The following FAT3 variants were observed in gnomAD, a reference collection of about 807,000 sequenced individuals.
FAT3 encodes the protein protocadherin Fat 3.
A neutral mutation model predicts 310.2 loss-of-function variants in FAT3; 95 were observed. That is an observed-to-expected ratio of 0.31 (90% CI 0.26 to 0.36). The LOEUF (loss-of-function observed/expected upper bound fraction) is 0.36. Among genes scored for constraint, FAT3 ranks in the 10% least tolerant of loss-of-function variants. The pLI, the probability that FAT3 is intolerant of heterozygous loss-of-function variation, is 1.00. For synonymous variants in FAT3, 2,314 were observed against 2,192.9 expected (o/e 1.06, Z -1.54); for missense variants, 5,408 against 5,715.6 (o/e 0.95, Z 1.74).
At chr11:92,439,849 G>A (rs181273728) in intron 2 of FAT3, among the ~76,000 whole-genome samples, 3 of 152,140 alleles carry the variant, frequency 2.0e-5, no homozygotes, top group Admixed American at 2.0e-4. Flanking sequence ...TCAGGATGTC[G>A]AGGCTGCTGT....
At position 92,265,213 on chromosome 11, in the gene FAT3, G is replaced by A. The variant is rs143040919; in HGVS notation, c.-18+40039G>A. ...CTGGGCCCTGAAACTCTGTATTTGC[G>A]TGATAGAAAACACATTGCCTTCTGC... On this transcript the variant is annotated intron_variant, in intron 1 of 27. Coordinates refer to ENST00000525166, the MANE Select transcript of FAT3 (RefSeq NM_001367949.2). Among the ~76,000 whole-genome samples the A allele has an allele frequency of 3.5e-3, 537 of 151,770 alleles. 2 individuals are homozygous for A. Among genetic ancestry groups the A allele is most frequent in the African/African-American group, 0.011 (436 of 41,412 alleles).
At chr11:92,379,607 G>C (rs1342244495) in intron 2 of FAT3, among the ~76,000 whole-genome samples, 1 of 152,164 alleles carries the variant, frequency 6.6e-6, no homozygotes, top group Non-Finnish European at 1.5e-5. Context: ...TTTTCTGACA[G>C]CTGGAGGCTC....
At chr11:92,823,315 C>T (rs980155895) in intron 13 of FAT3, among the ~76,000 whole-genome samples, 1 of 152,172 alleles carries the variant, frequency 6.6e-6, no homozygotes, top group Admixed American at 6.5e-5. Context: ...TTTACTTACA[C>T]TTAATCATCC....
intron 4 of FAT3, among the ~76,000 whole-genome samples, chr11:92,760,785 A>G (rs1303411819): frequency 6.6e-6 from 1 of 152,234 alleles, no homozygotes; most frequent in African/African-American, 2.4e-5. Context: ...GATTATCACT[A>G]TGACTAATAA....
At position 92,652,761 on chromosome 11, in the gene FAT3, T is replaced by C. The variant is rs1221645111; in HGVS notation, c.3608-44623T>C. Reference sequence around the variant, plus strand: ...CCTGTAATAATTTCCCCTTTAAATATAGAAGCTGGGAAGATGCTTCCTGAA... The same window carrying C: ...CCTGTAATAATTTCCCCTTTAAATACAGAAGCTGGGAAGATGCTTCCTGAA... On this transcript the variant is annotated intron_variant, in intron 3 of 27. Coordinates refer to ENST00000525166, the MANE Select transcript of FAT3 (RefSeq NM_001367949.2). Among the ~76,000 whole-genome samples the C allele has an allele frequency of 2.0e-5, 3 of 152,324 alleles. No individual in the cohort carries two copies. In the East Asian group the frequency reaches 5.8e-4, roughly 29 times the overall value.
chr11:92,796,458 T>G (rs1454243691), intron 9 of FAT3, among the ~76,000 whole-genome samples: 3 of 152,160 alleles, frequency 2.0e-5, no homozygotes, highest in Non-Finnish European at 4.4e-5. Flanking sequence ...TGTTCAGACA[T>G]GGAAAACTTT....
Position 92,801,722 on chromosome 11 carries a change from T to C in FAT3, c.8709T>C (p.Ser2903=). 6.2e-7 allele frequency: 1 copy of C among 1,613,938 alleles called. No individual in the cohort carries two copies. Among genetic ancestry groups the C allele is most frequent in the Non-Finnish European group, 8.5e-7 (1 of 1,179,864 alleles). ...VVASDLGEAF[S]LSSTALVSVR... Reference sequence around the variant, plus strand: ...CCTCTGACCTTGGAGAGGCATTCTCTCTTTCCTCCACGGCCTTGGTCTCTG... The same window carrying C: ...CCTCTGACCTTGGAGAGGCATTCTCCCTTTCCTCCACGGCCTTGGTCTCTG... The change falls in exon 10 of 28, where the codon TCT becomes TCC. Residue 2903 remains serine (S), a synonymous_variant. Coordinates refer to ENST00000525166, the MANE Select transcript of FAT3 (RefSeq NM_001367949.2).
rs191522960 is a variant in FAT3, at chr11:92,516,429, A to C, written c.3293-8205A>C. Among the ~76,000 whole-genome samples, 240 of 152,298 alleles carry C rather than the reference A, an allele frequency of 1.6e-3. 1 individual carries two copies. Among genetic ancestry groups the C allele is most frequent in the African/African-American group, 5.5e-3 (228 of 41,570 alleles). On this transcript the variant is annotated intron_variant, in intron 2 of 27. Coordinates refer to ENST00000525166, the MANE Select transcript of FAT3 (RefSeq NM_001367949.2). ...TAGATGCAGAAAAGGCCTTCAATAA[A>C]ATTAAACACCCCTTCATACTAAAAA...
chr11:92,649,927 T>C (rs1942314958), intron 3 of FAT3, among the ~76,000 whole-genome samples: 1 of 137,880 alleles, frequency 7.3e-6, no homozygotes, highest in African/African-American at 2.7e-5. Context: ...GCACCTTCTT[T>C]CTCTTTCTCT....
intron 2 of FAT3, among the ~76,000 whole-genome samples, chr11:92,473,450 TG>T: frequency 6.6e-6 from 1 of 152,342 alleles, no homozygotes; most frequent in South Asian, 2.1e-4. Context: ...CTTTTTTAGT[TG>T]ATTACAATTA....
chr11:92,652,803 C>G (rs1370636608), intron 3 of FAT3, among the ~76,000 whole-genome samples: 2 of 152,204 alleles, frequency 1.3e-5, no homozygotes, highest in East Asian at 3.9e-4. Flanking sequence ...ACCACCTCTT[C>G]CAGCCCTGGC....
At chr11:92,262,517 C>T (rs577939004) in intron 1 of FAT3, among the ~76,000 whole-genome samples, 1 of 152,138 alleles carries the variant, frequency 6.6e-6, no homozygotes, top group South Asian at 2.1e-4. Flanking sequence ...TCCCTCAGGT[C>T]AGAACTCAGA....
At chr11:92,488,531 C>G (rs1421053797) in intron 2 of FAT3, among the ~76,000 whole-genome samples, 9 of 127,070 alleles carry the variant, frequency 7.1e-5, no homozygotes, top group Non-Finnish European at 1.2e-4. Context: ...TAAGAAGATT[C>G]CAGAGGTCAG....
chr11:92,522,357 G>A (rs1427955507), intron 2 of FAT3, among the ~76,000 whole-genome samples: 1 of 152,104 alleles, frequency 6.6e-6, no homozygotes, highest in Non-Finnish European at 1.5e-5. Flanking sequence ...ACCTGTTCAG[G>A]TATCCAACCC....
chr11:92,262,367 G>A (rs570232284), intron 1 of FAT3, among the ~76,000 whole-genome samples: 2 of 152,088 alleles, frequency 1.3e-5, no homozygotes, highest in African/African-American at 2.4e-5. Context: ...AATAGAAAGA[G>A]CAAATGTGTA....
At chr11:92,274,973 G>A (rs897663382) in intron 1 of FAT3, among the ~76,000 whole-genome samples, 3 of 152,100 alleles carry the variant, frequency 2.0e-5, no homozygotes, top group African/African-American at 7.2e-5. Flanking sequence ...CTAAAAGGTG[G>A]CCCTATTTGC....
chr11:92,671,396 C>G (rs1188791370), intron 3 of FAT3, among the ~76,000 whole-genome samples: 1 of 152,056 alleles, frequency 6.6e-6, no homozygotes, highest in Non-Finnish European at 1.5e-5. Flanking sequence ...TTTCTTTACT[C>G]ACCAATTTGT....
At chr11:92,594,230 G>A (rs1939588680) in intron 3 of FAT3, among the ~76,000 whole-genome samples, 2 of 152,174 alleles carry the variant, frequency 1.3e-5, no homozygotes, top group Admixed American at 6.5e-5. Flanking sequence ...ATCACCCAAG[G>A]TCAGGAGTTC....
At chr11:92,836,731 C>A in intron 16 of FAT3, 28 bp downstream of exon 16, 1 of 1,600,574 alleles carries the variant, frequency 6.2e-7, no homozygotes, top group Non-Finnish European at 8.5e-7. Context: ...AGTTTCCTTC[C>A]CATCCACATC....
Sources: gnomAD v4.1 joint callset for allele counts (sites outside exome capture counted in the v4.1 genomes callset) on GRCh38, gnomAD v4.1.1 for gene constraint, MANE v1.5 for transcripts, NCBI Gene and HGNC (gene_info 2026-07-23, HGNC 2026-07-21) for gene names.